ARAP2: variants seen among roughly 807,000 people sequenced by gnomAD.
ARAP2 encodes the protein ArfGAP with RhoGAP domain, ankyrin repeat and PH domain 2, also known as arf-GAP with Rho-GAP domain, ANK repeat and PH domain-containing protein 2.
ARAP2 carries 148 observed loss-of-function variants against 194.5 expected under a neutral mutation model. The observed-to-expected ratio is 0.76, with a 90% CI of 0.67 to 0.87. The LOEUF is 0.87. ARAP2 is among the 40% of genes least tolerant of loss of function. The pLI, the probability that ARAP2 is intolerant of heterozygous loss-of-function variation, is 0.00. For synonymous variants in ARAP2, 695 were observed against 683.5 expected, an observed-to-expected ratio of 1.02 and a Z score of -0.26; for missense variants, 2,128 against 1,989.7, an observed-to-expected ratio of 1.07 and a Z score of -1.32.
Position 36,147,590 on chromosome 4 carries a change from C to T in ARAP2, c.3157G>A (p.Val1053Ile). 3 of 1,613,590 alleles carry T rather than the reference C, an allele frequency of 1.9e-6. No homozygotes were observed. The highest frequency in any genetic ancestry group is 1.7e-5 in the Admixed American group (1 of 59,976). ...SLHFCLQMQE[V>I]QGDRMHLRRL... ...CTTAAGTGCATTCTATCTCCCTGAA[C>T]TTCTTGCATTTGAAGGCAAAAATGC... Residue 1053 changes from valine to isoleucine, a missense_variant, in exon 18 of 33, where the codon GTT becomes ATT. Coordinates refer to ENST00000303965, the MANE Select transcript of ARAP2 (RefSeq NM_015230.4).
intron 22 of ARAP2, among the ~76,000 whole-genome samples, chr4:36,123,763 T>C (rs904743126): frequency 3.3e-5 from 5 of 151,850 alleles, no homozygotes; most frequent in Admixed American, 6.6e-5. Context: ...CAAATGTTTT[T>C]GCATGACCTA....
chr4:36,229,530 A>G lies in ARAP2; in HGVS notation c.-44T>C. ...AAGCTGAGTTACAAAAAGTGGCACG[A>G]TGAGACACACACACAAGAAGATGTA... On this transcript the variant is annotated 5_prime_UTR_variant, in exon 2 of 33. Coordinates refer to ENST00000303965, the MANE Select transcript of ARAP2 (RefSeq NM_015230.4). 5 of 1,455,776 alleles carry G rather than the reference A, an allele frequency of 3.4e-6. No homozygotes were observed. The highest frequency in any genetic ancestry group is 4.7e-6 in the Non-Finnish European group (5 of 1,064,732). 90.2% of individuals were successfully genotyped at this position (1,455,776 alleles called of 1,614,324 possible).
chr4:36,227,424 G>C (rs915122854), intron 2 of ARAP2, among the ~76,000 whole-genome samples: 3 of 152,166 alleles, frequency 2.0e-5, no homozygotes, highest in Non-Finnish European at 2.9e-5. Flanking sequence ...AAATTAATTA[G>C]AGTCTCTGCC....
At chr4:36,241,842 G>A (rs1386730467) in intron 1 of ARAP2, among the ~76,000 whole-genome samples, 1 of 152,014 alleles carries the variant, frequency 6.6e-6, no homozygotes, top group African/African-American at 2.4e-5. Flanking sequence ...TGAGTTCTCA[G>A]GAACTCTAAA....
At chr4:36,182,222 G>T (rs112810543) in intron 8 of ARAP2, among the ~76,000 whole-genome samples, 39 of 152,252 alleles carry the variant, frequency 2.6e-4, no homozygotes, top group African/African-American at 9.1e-4. Context: ...GCCGGGCATG[G>T]TGGCTCACGC....
chr4:36,154,650 T>A (rs1227039155), intron 15 of ARAP2, among the ~76,000 whole-genome samples: 2 of 152,016 alleles, frequency 1.3e-5, no homozygotes, highest in South Asian at 4.2e-4. Context: ...TACAGATCAG[T>A]CTTTATAACC....
At chr4:36,233,501 T>C (rs1160933128) in intron 1 of ARAP2, among the ~76,000 whole-genome samples, 2 of 152,230 alleles carry the variant, frequency 1.3e-5, no homozygotes, top group East Asian at 3.9e-4. Context: ...CCAGCCCACC[T>C]GAGCCTAAGC....
intron 25 of ARAP2, among the ~76,000 whole-genome samples, chr4:36,114,815 C>A (rs1720938004): frequency 6.6e-6 from 1 of 151,942 alleles, no homozygotes; most frequent in Admixed American, 6.6e-5. Context: ...GATTCCAGGG[C>A]AGATGTCAGA....
At chr4:36,040,310 C>T (rs992379471) in intron 5 of ARAP2, among the ~76,000 whole-genome samples, 9 of 152,118 alleles carry the variant, frequency 5.9e-5, no homozygotes, top group Non-Finnish European at 1.0e-4. Flanking sequence ...AAAACACATA[C>T]GATGCCCATA....
intron 27 of ARAP2, among the ~76,000 whole-genome samples, chr4:36,101,480 C>T (rs1273265019): frequency 2.7e-5 from 4 of 150,652 alleles, no homozygotes; most frequent in African/African-American, 9.7e-5. Flanking sequence ...TTCATTATTA[C>T]ATTGAATTAT....
chr4:36,183,703 T>C (rs1006802582), intron 8 of ARAP2, among the ~76,000 whole-genome samples: 10 of 152,222 alleles, frequency 6.6e-5, no homozygotes, highest in Admixed American at 5.9e-4. Flanking sequence ...TTGGGAAGTG[T>C]ATTTTTTAAA....
chr4:36,148,328 G>T, intron 17 of ARAP2, 77 bp downstream of exon 17: 1 of 1,035,402 alleles, frequency 9.7e-7, no homozygotes, highest in Non-Finnish European at 1.4e-6. Context: ...AACTTTCATG[G>T]ACCCCTGAAG....
At chr4:36,165,565 G>A (rs1016834663) in intron 10 of ARAP2, among the ~76,000 whole-genome samples, 1 of 151,728 alleles carries the variant, frequency 6.6e-6, no homozygotes, top group Non-Finnish European at 1.5e-5. Flanking sequence ...TCAGATTTAA[G>A]AATAGATTCT....
chr4:36,204,147 C>T (rs1020503186), intron 6 of ARAP2, among the ~76,000 whole-genome samples: 59 of 152,020 alleles, frequency 3.9e-4, no homozygotes, highest in Admixed American at 2.8e-3. Flanking sequence ...AGTCCAACAC[C>T]AAACTATCAG....
intron 3 of ARAP2, among the ~76,000 whole-genome samples, chr4:36,214,050 C>T (rs943423630): frequency 6.6e-6 from 1 of 152,108 alleles, no homozygotes; most frequent in Non-Finnish European, 1.5e-5. Context: ...TTTGCCAGAG[C>T]AACAATGACA....
intron 2 of ARAP2, among the ~76,000 whole-genome samples, chr4:36,217,706 A>C (rs184277003): frequency 1.2e-4 from 18 of 151,968 alleles, no homozygotes; most frequent in Non-Finnish European, 1.5e-5. Context: ...CCTAGAATTA[A>C]ATCTAGCAAA....
intron 1 of ARAP2, among the ~76,000 whole-genome samples, chr4:36,060,810 T>C (rs1724298414): frequency 6.6e-6 from 1 of 152,178 alleles, no homozygotes; most frequent in Admixed American, 6.5e-5. Flanking sequence ...TGTCTCTTTG[T>C]ATGTCCTAAT....
rs1216357791 is a variant in ARAP2 at position 36,224,362 on chromosome 4, TCTAA to T, written c.905+4216_905+4219del. On this transcript the variant is annotated intron_variant, in intron 2 of 32. Transcript: ENST00000303965. ...ACACTGCCTTGAGGTTTTCATAATA[TCTAA>T]CTAAAACAGACAAATCTGAATTCAG... Among the ~76,000 whole-genome samples, 32 of 150,872 alleles carry T rather than the reference TCTAA, an allele frequency of 2.1e-4. 1 individual carries two copies. Among genetic ancestry groups the T allele is most frequent in the Non-Finnish European group, 4.3e-4 (29 of 67,806 alleles).
intron 11 of ARAP2, 56 bp downstream of exon 11, chr4:36,164,858 G>T: frequency 6.6e-7 from 1 of 1,524,244 alleles, no homozygotes; most frequent in Non-Finnish European, 9.1e-7. Flanking sequence ...ACAATGAAGA[G>T]CATTCAATGC....
Sources: allele counts gnomAD v4.1 joint callset (sites outside exome capture counted in the v4.1 genomes callset), GRCh38; gene constraint gnomAD v4.1.1; transcripts MANE v1.5; gene names NCBI Gene and HGNC (gene_info 2026-07-23, HGNC 2026-07-21).